The following NREP variants were observed in gnomAD, a reference collection of about 807,000 sequenced individuals.
The protein encoded by NREP is neuronal regeneration related protein, also known as neuronal regeneration-related protein.
Under a neutral mutation model 8.6 loss-of-function variants are expected in NREP, and 5 were observed. The observed-to-expected ratio is 0.58, with a 90% CI of 0.30 to 1.22. The LOEUF (loss-of-function observed/expected upper bound fraction) is 1.22, where lower values mean the gene tolerates loss of function less well. Among genes scored for constraint, NREP ranks in the 50% most tolerant of loss-of-function variants. NREP has a pLI of 0.07. For missense variants in NREP, 86 were observed against 82.5 expected (o/e 1.04, Z -0.17); for synonymous variants, 27 against 28.0 (o/e 0.96, Z 0.11).
chr5:111,803,601 A>C (rs535970771), intron 2 of NREP, among the ~76,000 whole-genome samples: 266 of 152,332 alleles, frequency 1.7e-3, no homozygotes, highest in Middle Eastern at 3.4e-3. Context: ...ATGTTAATGC[A>C]AGTAGGAAAG....
intron 2 of NREP, among the ~76,000 whole-genome samples, chr5:111,802,777 A>G (rs1752044137): frequency 6.6e-6 from 1 of 152,268 alleles, no homozygotes; most frequent in African/African-American, 2.4e-5. Context: ...GTATGTGGAA[A>G]TAATCATTTC....
rs1014718898 is a variant in NREP at position 111,858,178 on chromosome 5, G to A, written c.135+117096C>T. The stretch of plus-strand genomic sequence containing the variant: ...CAGACCTACTGAGTCTGAAACTCTG[G>A]AGGTAGAGCCAGTAGTTGGTGTTTT... On this transcript the variant is annotated intron_variant, in intron 2 of 3. Coordinates refer to the NREP transcript ENST00000395634. Among the ~76,000 whole-genome samples, 5 of 152,122 alleles carry A rather than the reference G, an allele frequency of 3.3e-5. No individual in the cohort carries two copies. The South Asian group carries it at 1.0e-3, about 32-fold the overall frequency.
intron 2 of NREP, among the ~76,000 whole-genome samples, chr5:111,920,413 T>C (rs1184615685): frequency 6.6e-6 from 1 of 152,180 alleles, no homozygotes; most frequent in African/African-American, 2.4e-5. Flanking sequence ...ATCTAGGTTT[T>C]AAGCCCTGCA....
At chr5:111,734,785 C>T (rs537183935) in intron 3 of NREP, 24 of 689,232 alleles carry the variant, frequency 3.5e-5, no homozygotes, top group Admixed American at 3.1e-4. Flanking sequence ...ATACTCTCCC[C>T]GCTTGAAGTC....
chr5:111,800,057 C>A (rs908937856), intron 2 of NREP, among the ~76,000 whole-genome samples: 11 of 150,612 alleles, frequency 7.3e-5, no homozygotes, highest in Non-Finnish European at 1.3e-4. Context: ...GTAGCTGGGA[C>A]TATAGGTGCC....
At chr5:111,758,282 C>A, upstream of NREP, 2 of 983,884 alleles carry the variant, frequency 2.0e-6, no homozygotes, top group African/African-American at 1.7e-5. Context: ...CTGGCGTGAT[C>A]GGCCCAAGAC....
At chr5:111,755,665 T>C in intron 2 of NREP, 105 bp downstream of exon 2, 1 of 1,250,988 alleles carries the variant, frequency 8.0e-7, no homozygotes, top group Middle Eastern at 1.9e-4. Context: ...TCAGATGGGG[T>C]GTAGAACAAT....
rs530243251 is a variant in NREP at position 111,855,347 on chromosome 5, G to A, written c.136-119840C>T. Among the ~76,000 whole-genome samples, 6 of 152,198 alleles carry A rather than the reference G, an allele frequency of 3.9e-5. No individual in the cohort carries two copies. In the South Asian group the frequency reaches 6.2e-4, roughly 16 times the overall value. On this transcript the variant is annotated intron_variant, in intron 2 of 3. Coordinates refer to the NREP transcript ENST00000395634. ...GCTTATACATGATAATTTGTTCTAG[G>A]GATTATTAGCACAGTTGTCGGCACA...
At chr5:111,872,121 T>A (rs949665596) in intron 2 of NREP, among the ~76,000 whole-genome samples, 4 of 151,706 alleles carry the variant, frequency 2.6e-5, no homozygotes, top group Admixed American at 1.3e-4. Context: ...TTTGCTCAGG[T>A]GATTATGGGG....
At chr5:111,974,368 C>A (rs2112677380) in intron 2 of NREP, 1 of 151,076 alleles carries the variant, frequency 6.6e-6, no homozygotes, top group African/African-American at 2.4e-5. Context: ...AAGACAATTT[C>A]TTTCAGGGAT....
chr5:111,898,256 T>C (rs2112543938), intron 2 of NREP, among the ~76,000 whole-genome samples: 1 of 152,130 alleles, frequency 6.6e-6, no homozygotes, highest in East Asian at 1.9e-4. Flanking sequence ...ATTGCAGTAA[T>C]AAAGACAAGA....
At chr5:111,921,460 T>G (rs1184434495) in intron 2 of NREP, among the ~76,000 whole-genome samples, 3 of 152,132 alleles carry the variant, frequency 2.0e-5, no homozygotes, top group Non-Finnish European at 4.4e-5. Context: ...CCCTGATTAG[T>G]TGACATAGAA....
At chr5:111,859,609 A>G (rs1753500361) in intron 2 of NREP, among the ~76,000 whole-genome samples, 1 of 152,042 alleles carries the variant, frequency 6.6e-6, no homozygotes, top group African/African-American at 2.4e-5. Context: ...GTCAGGCACA[A>G]CCTTGTACCC....
intron 2 of NREP, among the ~76,000 whole-genome samples, chr5:111,874,545 T>C (rs1021933495): frequency 2.6e-5 from 4 of 152,130 alleles, no homozygotes; most frequent in African/African-American, 9.7e-5. Context: ...TTTTTCTAGA[T>C]TGGCTTGTTG....
At chr5:111,782,843 T>C (rs1751524503) in intron 2 of NREP, among the ~76,000 whole-genome samples, 1 of 151,904 alleles carries the variant, frequency 6.6e-6, no homozygotes, top group Admixed American at 6.6e-5. Flanking sequence ...CAAGCAATTC[T>C]CATGCCTCAG....
At chr5:111,962,692 C>G (rs1313663145) in intron 2 of NREP, among the ~76,000 whole-genome samples, 2 of 152,084 alleles carry the variant, frequency 1.3e-5, no homozygotes, top group Non-Finnish European at 2.9e-5. Flanking sequence ...CCAAAATTAC[C>G]TACGCCCTGC....
intron 2 of NREP, among the ~76,000 whole-genome samples, chr5:111,802,047 G>T (rs1054492339): frequency 1.4e-4 from 22 of 152,116 alleles, no homozygotes; most frequent in Admixed American, 3.9e-4. Context: ...ACAGCCTCCA[G>T]ACAGAGGGCC....
At chr5:111,821,029 T>G (rs1023816682) in intron 2 of NREP, among the ~76,000 whole-genome samples, 3 of 152,168 alleles carry the variant, frequency 2.0e-5, no homozygotes, top group Non-Finnish European at 2.9e-5. Context: ...TTCAGTTGGG[T>G]AGGTCTGAAG....
At chr5:111,964,434 C>G (rs1015709249) in intron 2 of NREP, among the ~76,000 whole-genome samples, 21 of 152,266 alleles carry the variant, frequency 1.4e-4, no homozygotes, top group African/African-American at 4.6e-4. Flanking sequence ...GTGGCACCAT[C>G]TGGGCTCACT....
Sources: gnomAD v4.1 joint callset for allele counts (sites outside exome capture counted in the v4.1 genomes callset) on GRCh38, gnomAD v4.1.1 for gene constraint, MANE v1.5 for transcripts, NCBI Gene and HGNC (gene_info 2026-07-23, HGNC 2026-07-21) for gene names.